SORCS1: variants seen among roughly 807,000 people sequenced by gnomAD.
The protein encoded by SORCS1 is sortilin related VPS10 domain containing receptor 1.
A neutral mutation model predicts 146.1 loss-of-function variants in SORCS1; 60 were observed. The observed-to-expected ratio is 0.41, with a 90% CI of 0.33 to 0.51. The LOEUF (loss-of-function observed/expected upper bound fraction) is 0.51. SORCS1 is among the 20% of genes least tolerant of loss of function. The probability of loss-of-function intolerance (pLI) is 0.21; values close to 1 mark genes in which losing one functional copy is unlikely to be tolerated. For synonymous variants in SORCS1, 637 were observed against 584.0 expected, an observed-to-expected ratio of 1.09 and a Z score of -1.31; for missense variants, 1,352 against 1,487.6, an observed-to-expected ratio of 0.91 and a Z score of 1.50.
intron 3 of SORCS1, among the ~76,000 whole-genome samples, chr10:106,811,638 T>C (rs1947465221): frequency 6.6e-6 from 1 of 152,222 alleles, no homozygotes; most frequent in African/African-American, 2.4e-5. Context: ...CAACTGGGCA[T>C]ATCTTTAGGA....
At chr10:106,934,074 A>G (rs977603304) in intron 2 of SORCS1, among the ~76,000 whole-genome samples, 41 of 149,246 alleles carry the variant, frequency 2.7e-4, no homozygotes, top group African/African-American at 9.6e-4. Context: ...AGCCTGGGCA[A>G]CAGAGTGAGA....
chr10:106,764,750 G>A (rs529600669), intron 4 of SORCS1, among the ~76,000 whole-genome samples: 5 of 152,198 alleles, frequency 3.3e-5, no homozygotes, highest in African/African-American at 7.2e-5. Flanking sequence ...TTGGCCGGGC[G>A]CGGTGGCTCA....
intron 1 of SORCS1, among the ~76,000 whole-genome samples, chr10:106,990,400 C>T (rs1956718592): frequency 1.3e-5 from 2 of 151,920 alleles, no homozygotes; most frequent in Admixed American, 1.3e-4. Flanking sequence ...CTCCTGAGTA[C>T]CTGGGATTAC....
intron 2 of SORCS1, among the ~76,000 whole-genome samples, chr10:106,866,315 T>A (rs1481332182): frequency 6.6e-6 from 1 of 151,982 alleles, no homozygotes; most frequent in Non-Finnish European, 1.5e-5. Flanking sequence ...ATGGATCCCC[T>A]CCAACCCCAC....
At chr10:106,939,063 G>A (rs538218456) in intron 2 of SORCS1, among the ~76,000 whole-genome samples, 1 of 152,302 alleles carries the variant, frequency 6.6e-6, no homozygotes, top group Admixed American at 6.5e-5. Context: ...GGTCAGAAGT[G>A]ATAGATTCCT....
chr10:106,897,000 C>T (rs897989701), intron 2 of SORCS1, among the ~76,000 whole-genome samples: 1 of 149,476 alleles, frequency 6.7e-6, no homozygotes, highest in Admixed American at 6.7e-5. Context: ...ACGCCATTCT[C>T]CTGCCTCAGC....
intron 2 of SORCS1, among the ~76,000 whole-genome samples, chr10:106,872,042 T>C (rs968673976): frequency 3.3e-5 from 5 of 152,246 alleles, no homozygotes; most frequent in Admixed American, 2.0e-4. Context: ...ACAAAATTGA[T>C]GTCCTCATGG....
intron 2 of SORCS1, among the ~76,000 whole-genome samples, chr10:106,938,503 C>T (rs1305875484): frequency 6.6e-6 from 1 of 152,156 alleles, no homozygotes; most frequent in African/African-American, 2.4e-5. Context: ...ATCAGGACGA[C>T]CATGGATACA....
chr10:106,706,293 G>GAGAA (rs748001213), intron 8 of SORCS1, among the ~76,000 whole-genome samples: 21 of 150,090 alleles, frequency 1.4e-4, no homozygotes, highest in Middle Eastern at 3.4e-3. Flanking sequence ...GAAGGAGAAA[G>GAGAA]AGAAAGAAAG....
chr10:106,881,882 AG>A (rs1336851191), intron 2 of SORCS1, among the ~76,000 whole-genome samples: 1 of 152,238 alleles, frequency 6.6e-6, no homozygotes, highest in Non-Finnish European at 1.5e-5. Flanking sequence ...TGTATGCCAT[AG>A]GCCCTGCAAA....
At chr10:106,815,894 C>G (rs911554029) in intron 3 of SORCS1, among the ~76,000 whole-genome samples, 1 of 152,158 alleles carries the variant, frequency 6.6e-6, no homozygotes, top group Non-Finnish European at 1.5e-5. Flanking sequence ...AAGAAGAGGC[C>G]AGTTCTTTCT....
In SORCS1 at chr10:106,659,249, AG is replaced by A. The variant is rs555477735; in HGVS notation, c.2304-6697del. ...GCGGATAGGCATAAGACAGAAGACC[AG>A]GTAAAAAGAAGAAAGCTTCTCTTGC... is the stretch of plus-strand genomic sequence containing the variant. On this transcript the variant is annotated intron_variant, in intron 17 of 25. Transcript: ENST00000263054. Among the ~76,000 whole-genome samples the A allele has an allele frequency of 3.3e-4, 51 of 152,368 alleles. No homozygotes were observed. The South Asian group carries it at 0.01, about 30-fold the overall frequency.
At position 106,730,050 on chromosome 10, in the gene SORCS1, G is replaced by A. The variant is rs576574267; in HGVS notation, c.1024C>T (p.His342Tyr). 5.0e-6 allele frequency: 8 copies of A among 1,613,912 alleles called. No individual in the cohort carries two copies. Among genetic ancestry groups the A allele is most frequent in the South Asian group, 2.2e-5 (2 of 91,060 alleles). ...ATTGCGGCAAAGTTGATTTACTTAC[G>A]ACCATCCACAGTTCTGGCCTCAAGA... The part of the protein sequence containing the change: ...VHLEARTVDG[H>Y]SHYLTCRMQN... The change falls in exon 6 of 26, where the codon CAT becomes TAT. Residue 342 changes from histidine (H) to tyrosine (Y), a missense_variant and splice_region_variant. Physicochemically the swap from His to Tyr is moderately conservative, Grantham distance 83. This residue lies in a region of SORCS1 where 490 missense variants were observed against 489.1 expected (regional missense o/e 1.00). Coordinates refer to ENST00000263054, the MANE Select transcript of SORCS1 (RefSeq NM_052918.5).
At chr10:106,631,071 T>A (rs1848412804) in intron 18 of SORCS1, among the ~76,000 whole-genome samples, 2 of 152,218 alleles carry the variant, frequency 1.3e-5, no homozygotes, top group Admixed American at 1.3e-4. Flanking sequence ...GGTATCATAT[T>A]TTTTGAAAAG....
chr10:106,584,943 C>T (rs1589664737), intron 24 of SORCS1, among the ~76,000 whole-genome samples: 1 of 152,084 alleles, frequency 6.6e-6, no homozygotes, highest in African/African-American at 2.4e-5. Context: ...GGTGATGATT[C>T]CTGGCTACTA....
intron 1 of SORCS1, among the ~76,000 whole-genome samples, chr10:107,160,842 C>T (rs1044066643): frequency 6.6e-6 from 1 of 152,202 alleles, no homozygotes; most frequent in Non-Finnish European, 1.5e-5. Flanking sequence ...CACCATTATG[C>T]ATACATATAA....
At chr10:106,592,512 C>T (rs1473070506) in intron 24 of SORCS1, among the ~76,000 whole-genome samples, 2 of 152,208 alleles carry the variant, frequency 1.3e-5, no homozygotes, top group Non-Finnish European at 2.9e-5. Flanking sequence ...ATTTGCTTCT[C>T]TCACCAACAA....
chr10:106,824,608 C>G (rs1379150048), intron 3 of SORCS1, among the ~76,000 whole-genome samples: 5 of 147,412 alleles, frequency 3.4e-5, no homozygotes, highest in Admixed American at 3.4e-4. Context: ...AAAAAAAAGT[C>G]ACATACATGA....
At chr10:106,618,483 A>G (rs1847525918) in intron 20 of SORCS1, among the ~76,000 whole-genome samples, 1 of 152,178 alleles carries the variant, frequency 6.6e-6, no homozygotes, top group African/African-American at 2.4e-5. Flanking sequence ...AAGTCTGCCT[A>G]TTCATTGTGA....
Sources: gnomAD v4.1 joint callset for allele counts (sites outside exome capture counted in the v4.1 genomes callset) on GRCh38, gnomAD v4.1.1 for gene constraint, gnomAD v4.1.1 regional missense constraint, MANE v1.5 for transcripts, NCBI Gene and HGNC (gene_info 2026-07-23, HGNC 2026-07-21) for gene names.